The following KCNMB2 variants were observed in gnomAD, a reference collection of about 807,000 sequenced individuals.
The protein encoded by KCNMB2 is calcium-activated potassium channel subunit beta-2.
In KCNMB2, 9 loss-of-function variants were observed where a neutral mutation model predicts 24.5. That is an observed-to-expected ratio of 0.37 (90% CI 0.22 to 0.64). The LOEUF (loss-of-function observed/expected upper bound fraction) is 0.64, where lower values mean the gene tolerates loss of function less well. Among genes scored for constraint, KCNMB2 ranks in the 30% least tolerant of loss-of-function variants. The pLI, the probability that KCNMB2 is intolerant of heterozygous loss-of-function variation, is 0.63. For synonymous variants in KCNMB2, 109 were observed against 104.4 expected (o/e 1.04, Z -0.27); for missense variants, 226 against 284.3 (o/e 0.79, Z 1.47).
rs1577163459 is a variant in KCNMB2, at chr3:178,759,758, ATATATATATCCAAGAGGATATATC to A, written c.-67-47575_-67-47552del. Among the ~76,000 whole-genome samples the A allele has an allele frequency of 5.2e-4, 29 of 55,940 alleles. 5 individuals are homozygous for A. The highest frequency in any genetic ancestry group is 5.3e-4 in the Non-Finnish European group (17 of 32,140). 36.7% of individuals were successfully genotyped at this position (55,940 alleles called of 152,430 possible). On this transcript the variant is annotated intron_variant, in intron 1 of 4. Coordinates refer to ENST00000452583, the MANE Select transcript of KCNMB2 (RefSeq NM_181361.3). ...TATATATCCAAGAGGATATATCTATATATATATATCCAAGAGGATATATCTATATATATATATATCCAAGAGGAT... is the reference window on the plus strand; with the variant it reads ...TATATATCCAAGAGGATATATCTATATATATATATATATATCCAAGAGGAT...
In KCNMB2 at chr3:178,843,169, G is replaced by A. The variant is rs924159389; in HGVS notation, c.*232G>A. 7 of 605,852 alleles carry A rather than the reference G, an allele frequency of 1.2e-5. No homozygotes were observed. Among genetic ancestry groups the A allele is most frequent in the Middle Eastern group, 2.6e-4 (1 of 3,914 alleles). 37.5% of individuals were successfully genotyped at this position (605,852 alleles called of 1,614,324 possible). A position where few individuals can be genotyped will look rare whatever the true frequency, so the allele number is the denominator to read the frequency against. On this transcript the variant is annotated 3_prime_UTR_variant, in exon 5 of 5. Transcript: ENST00000452583. ...TGGTGGTTTTCATAATCTTATTTCTGTACTGGAACTAGTACTTTCTTCTCT... is the reference window on the plus strand; with the variant it reads ...TGGTGGTTTTCATAATCTTATTTCTATACTGGAACTAGTACTTTCTTCTCT...
intron 1 of KCNMB2, among the ~76,000 whole-genome samples, chr3:178,554,334 A>G (rs899554806): frequency 1.3e-5 from 2 of 152,248 alleles, no homozygotes; most frequent in Admixed American, 6.5e-5. Context: ...TTTAATAAGA[A>G]TTCAAGCCTG....
chr3:178,566,534 CA>C (rs1190293831), intron 1 of KCNMB2, among the ~76,000 whole-genome samples: 1 of 152,110 alleles, frequency 6.6e-6, no homozygotes, highest in Non-Finnish European at 1.5e-5. Context: ...TCTCCAAAAC[CA>C]AGTCAAAAGA....
At chr3:178,634,073 C>T (rs1443142526) in intron 1 of KCNMB2, among the ~76,000 whole-genome samples, 2 of 152,176 alleles carry the variant, frequency 1.3e-5, no homozygotes, top group Admixed American at 6.5e-5. Context: ...CTGGTCAAAG[C>T]CATTCAACAT....
At chr3:178,592,355 C>T (rs1394741950) in intron 1 of KCNMB2, among the ~76,000 whole-genome samples, 1 of 152,140 alleles carries the variant, frequency 6.6e-6, no homozygotes, top group Non-Finnish European at 1.5e-5. Flanking sequence ...CTGCCTCCCA[C>T]AAGAGAGCAA....
At chr3:178,840,391 C>A (rs1376934351) in intron 4 of KCNMB2, among the ~76,000 whole-genome samples, 3 of 152,170 alleles carry the variant, frequency 2.0e-5, no homozygotes, top group African/African-American at 7.2e-5. Flanking sequence ...CTTCTGGGGT[C>A]TGAAGGACAG....
intron 1 of KCNMB2, among the ~76,000 whole-genome samples, chr3:178,604,983 A>G (rs956025276): frequency 2.0e-5 from 3 of 152,182 alleles, no homozygotes; most frequent in Non-Finnish European, 4.4e-5. Flanking sequence ...AAGCTTAGAC[A>G]ATATTCAATT....
chr3:178,657,429 A>G (rs1013967492), intron 1 of KCNMB2, among the ~76,000 whole-genome samples: 2 of 152,208 alleles, frequency 1.3e-5, no homozygotes, highest in Admixed American at 6.5e-5. Context: ...AACCTATGTG[A>G]CCTTGTTCAA....
intron 1 of KCNMB2, among the ~76,000 whole-genome samples, chr3:178,690,648 C>T (rs1721637481): frequency 6.6e-6 from 1 of 152,100 alleles, no homozygotes; most frequent in Non-Finnish European, 1.5e-5. Flanking sequence ...GAAAATTAGC[C>T]TTGGATTATT....
intron 1 of KCNMB2, among the ~76,000 whole-genome samples, chr3:178,774,261 C>A (rs992853605): frequency 6.6e-6 from 1 of 152,044 alleles, no homozygotes; most frequent in African/African-American, 2.4e-5. Context: ...CAGTTACAGT[C>A]CTACCTTTCA....
chr3:178,538,906 A>G (rs1395732472), intron 1 of KCNMB2, among the ~76,000 whole-genome samples: 2 of 152,226 alleles, frequency 1.3e-5, no homozygotes, highest in Non-Finnish European at 2.9e-5. Flanking sequence ...ATTTTGAGAT[A>G]TCTTTTTCTT....
intron 1 of KCNMB2, among the ~76,000 whole-genome samples, chr3:178,744,873 TTGC>T (rs1388582283): frequency 2.0e-5 from 3 of 152,194 alleles, no homozygotes; most frequent in African/African-American, 7.2e-5. Flanking sequence ...TACATTCTTC[TTGC>T]TGCTACTCAT....
chr3:178,837,628 C>G (rs1172181785), intron 4 of KCNMB2, among the ~76,000 whole-genome samples: 3 of 152,156 alleles, frequency 2.0e-5, no homozygotes, highest in African/African-American at 4.8e-5. Flanking sequence ...GGCAGAGGAC[C>G]TTTTCTCCAC....
intron 4 of KCNMB2, among the ~76,000 whole-genome samples, chr3:178,838,812 C>G (rs1210048796): frequency 6.6e-6 from 1 of 152,050 alleles, no homozygotes; most frequent in Non-Finnish European, 1.5e-5. Flanking sequence ...TTGTGCATTG[C>G]ACAGAGGTAC....
At chr3:178,777,908 T>C (rs1712649297) in intron 1 of KCNMB2, among the ~76,000 whole-genome samples, 1 of 152,160 alleles carries the variant, frequency 6.6e-6, no homozygotes, top group Non-Finnish European at 1.5e-5. Flanking sequence ...ATGAGTAAAA[T>C]ACAGATCTAG....
chr3:178,546,510 A>T (rs1480388912), intron 1 of KCNMB2, among the ~76,000 whole-genome samples: 1 of 152,212 alleles, frequency 6.6e-6, no homozygotes, highest in Non-Finnish European at 1.5e-5. Flanking sequence ...CTTCACCACA[A>T]CCTATGAACG....
At chr3:178,543,283 C>T (rs1167576468) in intron 1 of KCNMB2, among the ~76,000 whole-genome samples, 1 of 152,198 alleles carries the variant, frequency 6.6e-6, no homozygotes, top group Admixed American at 6.5e-5. Flanking sequence ...ATGTCTGCCT[C>T]TCTGAGATAC....
At chr3:178,830,714 A>G (rs765586285) in intron 4 of KCNMB2, among the ~76,000 whole-genome samples, 1 of 151,916 alleles carries the variant, frequency 6.6e-6, no homozygotes, top group Non-Finnish European at 1.5e-5. Context: ...TCATTTATTT[A>G]TTGGCCATTT....
At chr3:178,675,124 T>C (rs1465464638) in intron 1 of KCNMB2, among the ~76,000 whole-genome samples, 1 of 152,220 alleles carries the variant, frequency 6.6e-6, no homozygotes, top group Non-Finnish European at 1.5e-5. Flanking sequence ...TGTCTGTAAA[T>C]GTTGAATGAA....
Sources: allele counts gnomAD v4.1 joint callset (sites outside exome capture counted in the v4.1 genomes callset), GRCh38; gene constraint gnomAD v4.1.1; transcripts MANE v1.5; gene names NCBI Gene and HGNC (gene_info 2026-07-23, HGNC 2026-07-21).